Variants in GMPS observed in about 807,000 individuals in gnomAD.
GMPS encodes the protein guanosine monophosphate synthase.
In GMPS, 15 loss-of-function variants were observed where a neutral mutation model predicts 77.9. That is an observed-to-expected ratio of 0.19 (90% CI 0.13 to 0.30). The LOEUF is 0.30. GMPS is among the 10% of genes least tolerant of loss of function. GMPS has a pLI of 1.00. For missense variants in GMPS, 590 were observed against 838.8 expected, an observed-to-expected ratio of 0.70 and a Z score of 3.66; for synonymous variants, 224 against 275.9, an observed-to-expected ratio of 0.81 and a Z score of 1.86.
In GMPS at chr3:155,940,277, C is replaced by T. The variant is rs1386852804; in HGVS notation, c.*2585C>T. Reference sequence around the variant, plus strand: ...TTTAAGAACCAAATACCCAGTCCTGCCTTAAAGGCCACATCTATGATCATC... The same window carrying T: ...TTTAAGAACCAAATACCCAGTCCTGTCTTAAAGGCCACATCTATGATCATC... On this transcript the variant is annotated 3_prime_UTR_variant, in exon 16 of 16. Transcript: ENST00000496455. 2.0e-5 allele frequency: 4 copies of T among 202,154 alleles called. No individual in the cohort carries two copies. The highest frequency in any genetic ancestry group is 6.9e-5 in the African/African-American group (3 of 43,652). 12.5% of individuals were successfully genotyped at this position (202,154 alleles called of 1,614,324 possible).
At position 155,915,244 on chromosome 3, in the gene GMPS, T is replaced by G. The variant is rs192742423; in HGVS notation, c.1038+674T>G. ...TTCACATACCTTTGTTTTTGTTTTT[T>G]TTTTTTTTTGGAGGCGGAGTTTTGT... On this transcript the variant is annotated intron_variant, in intron 8 of 15. Transcript: ENST00000496455. Among the ~76,000 whole-genome samples the G allele has an allele frequency of 7.6e-3, 1,157 of 151,592 alleles. 15 individuals are homozygous for G. Among genetic ancestry groups the G allele is most frequent in the African/African-American group, 0.026 (1,064 of 41,388 alleles).
rs967082731 is a variant in GMPS at position 155,919,641 on chromosome 3, A to G, written c.1318+303A>G. Among the ~76,000 whole-genome samples, 4 of 152,186 alleles carry G rather than the reference A, an allele frequency of 2.6e-5. No individual in the cohort carries two copies. In the East Asian group the frequency reaches 7.7e-4, roughly 29 times the overall value. On this transcript the variant is annotated intron_variant, in intron 10 of 15. Coordinates refer to ENST00000496455, the MANE Select transcript of GMPS (RefSeq NM_003875.3). ...AAAGATATTTTAATAATATTGCCACACAGTCCTAGTAGTAGAGCTAGGATT... is the reference window on the plus strand; with the variant it reads ...AAAGATATTTTAATAATATTGCCACGCAGTCCTAGTAGTAGAGCTAGGATT...
At chr3:155,921,499 C>T (rs758599424) in intron 10 of GMPS, among the ~76,000 whole-genome samples, 3 of 152,060 alleles carry the variant, frequency 2.0e-5, no homozygotes, top group Non-Finnish European at 2.9e-5. Flanking sequence ...TTTTGTGATA[C>T]TTAATACATG....
chr3:155,903,204 A>G (rs1754772293), intron 3 of GMPS, among the ~76,000 whole-genome samples: 1 of 152,188 alleles, frequency 6.6e-6, no homozygotes, highest in Non-Finnish European at 1.5e-5. Context: ...TCTTCTGTAT[A>G]TTTATCTGAT....
At chr3:155,912,594 T>A (rs997145532) in intron 7 of GMPS, among the ~76,000 whole-genome samples, 9 of 152,258 alleles carry the variant, frequency 5.9e-5, no homozygotes, top group African/African-American at 2.2e-4. Context: ...TAGTGGTATA[T>A]ATGTGATTTG....
chr3:155,880,621 TCA>T (rs1754188438), intron 1 of GMPS, among the ~76,000 whole-genome samples: 2 of 152,326 alleles, frequency 1.3e-5, no homozygotes, highest in South Asian at 4.1e-4. Flanking sequence ...TTTCTGTCAC[TCA>T]CAACATTCCC....
Position 155,870,736 on chromosome 3 carries a change from G to T in GMPS, c.-135G>T. The T allele has an allele frequency of 1.6e-6, 1 of 606,702 alleles. No homozygotes were observed. Among genetic ancestry groups the T allele is most frequent in the Non-Finnish European group, 2.9e-6 (1 of 347,848 alleles). 37.6% of individuals were successfully genotyped at this position (606,702 alleles called of 1,614,324 possible). A position where few individuals can be genotyped will look rare whatever the true frequency, so the allele number is the denominator to read the frequency against. On this transcript the variant is annotated 5_prime_UTR_variant, in exon 1 of 16. Coordinates refer to ENST00000496455, the MANE Select transcript of GMPS (RefSeq NM_003875.3). ...TCCATTCGGCGCTTTTCTGGCGGCTGGCTCCTCTCCGCTGCCGGCTGCTCC... is the reference window on the plus strand; with the variant it reads ...TCCATTCGGCGCTTTTCTGGCGGCTTGCTCCTCTCCGCTGCCGGCTGCTCC...
At position 155,928,118 on chromosome 3, in the gene GMPS, C is replaced by T. The variant is rs117635057; in HGVS notation, c.1560+2752C>T. On this transcript the variant is annotated intron_variant, in intron 12 of 15. Coordinates refer to ENST00000496455, the MANE Select transcript of GMPS (RefSeq NM_003875.3). ...CTCAGCTCATGGCAACCTCCACCTA[C>T]CAGGTTCAAACGATTCTCCTGTTGC... is the stretch of plus-strand genomic sequence containing the variant. Among the ~76,000 whole-genome samples, 891 of 142,912 alleles carry T rather than the reference C, an allele frequency of 6.2e-3. 38 individuals are homozygous for T. The East Asian group carries it at 0.13, about 20-fold the overall frequency. 93.8% of individuals were successfully genotyped at this position (142,912 alleles called of 152,430 possible). A position where few individuals can be genotyped will look rare whatever the true frequency, so the allele number is the denominator to read the frequency against.
At chr3:155,936,302 G>A in intron 14 of GMPS, 36 bp from the exon 15 acceptor site, 2 of 1,411,650 alleles carry the variant, frequency 1.4e-6, no homozygotes, top group Non-Finnish European at 2.0e-6. Context: ...GCTTTTCTAT[G>A]GTGTGGTGAT....
chr3:155,893,113 G>A (rs62286834), intron 1 of GMPS, among the ~76,000 whole-genome samples: 8,321 of 152,232 alleles, frequency 0.055, 321 homozygotes, highest in East Asian at 0.18. Context: ...TAGGGTGACC[G>A]AATAACTTAT....
At position 155,942,248 on chromosome 3, in the gene GMPS, G is replaced by A. The variant is rs531445520; in HGVS notation, c.*4556G>A. ...ACTACAGGCGCCCGCCACTACGCCC[G>A]GCTAATTTTTTTGTACTTTTTAGTA... On this transcript the variant is annotated 3_prime_UTR_variant, in exon 16 of 16. Coordinates refer to ENST00000496455, the MANE Select transcript of GMPS (RefSeq NM_003875.3). The A allele has an allele frequency of 3.3e-5, 6 of 182,406 alleles. No homozygotes were observed. The highest frequency in any genetic ancestry group is 7.0e-5 in the African/African-American group (3 of 42,586). 11.3% of individuals were successfully genotyped at this position (182,406 alleles called of 1,614,324 possible).
chr3:155,877,583 A>T (rs1043343810), intron 1 of GMPS, among the ~76,000 whole-genome samples: 7 of 152,010 alleles, frequency 4.6e-5, no homozygotes, highest in Admixed American at 6.6e-5. Flanking sequence ...TCAACCACAA[A>T]TTCATTTTCT....
At chr3:155,873,748 C>A (rs1753961395) in intron 1 of GMPS, among the ~76,000 whole-genome samples, 1 of 150,614 alleles carries the variant, frequency 6.6e-6, no homozygotes, top group South Asian at 2.1e-4. Flanking sequence ...AGTTCTCCTG[C>A]CTCAGCCTCC....
chr3:155,935,073 A>C, intron 14 of GMPS, 27 bp downstream of exon 14: 2 of 1,541,322 alleles, frequency 1.3e-6, no homozygotes, highest in Non-Finnish European at 1.8e-6. Context: ...TTTGATTACT[A>C]CCCTCTGAAA....
rs1755947873 is a variant in GMPS at position 155,943,669 on chromosome 3, T to C, written c.*5977T>C. The C allele has an allele frequency of 5.7e-6, 1 of 175,176 alleles. No homozygotes were observed. Among genetic ancestry groups the C allele is most frequent in the African/African-American group, 2.4e-5 (1 of 42,194 alleles). 10.9% of individuals were successfully genotyped at this position (175,176 alleles called of 1,614,324 possible). A position where few individuals can be genotyped will look rare whatever the true frequency, so the allele number is the denominator to read the frequency against. Reference sequence around the variant, plus strand: ...CAATGTTGCCATAAAATAGCTTTGCTAAATGTGAAATGACTTTAATCCCTT... The same window carrying C: ...CAATGTTGCCATAAAATAGCTTTGCCAAATGTGAAATGACTTTAATCCCTT... On this transcript the variant is annotated 3_prime_UTR_variant, in exon 16 of 16. Coordinates refer to ENST00000496455, the MANE Select transcript of GMPS (RefSeq NM_003875.3).
In GMPS at chr3:155,942,572, A is replaced by C. The variant is rs1755918616; in HGVS notation, c.*4880A>C. ...TTCAGATCCAGGAACCAGATTCTGGAACTGATTGCACCTATATTATGTTGT... is the reference window on the plus strand; with the variant it reads ...TTCAGATCCAGGAACCAGATTCTGGCACTGATTGCACCTATATTATGTTGT... On this transcript the variant is annotated 3_prime_UTR_variant, in exon 16 of 16. Coordinates refer to ENST00000496455, the MANE Select transcript of GMPS (RefSeq NM_003875.3). 1 of 228,512 alleles carries C rather than the reference A, an allele frequency of 4.4e-6. No homozygotes were observed. Among genetic ancestry groups the C allele is most frequent in the South Asian group, 1.8e-4 (1 of 5,490 alleles). The allele number at this position is 228,512 out of a possible 1,614,324, so 14.2% of individuals were successfully genotyped here.
At chr3:155,872,734 C>T (rs1321707175) in intron 1 of GMPS, among the ~76,000 whole-genome samples, 1 of 151,990 alleles carries the variant, frequency 6.6e-6, no homozygotes, top group Non-Finnish European at 1.5e-5. Context: ...TTTCAAGGTT[C>T]TTTATGTTTT....
intron 1 of GMPS, among the ~76,000 whole-genome samples, chr3:155,892,922 G>A (rs535574329): frequency 2.6e-5 from 4 of 152,300 alleles, no homozygotes; most frequent in South Asian, 2.1e-4. Context: ...GTGAGCCACC[G>A]CGCCCGGCCT....
chr3:155,910,451 G>A (rs1755009941), intron 5 of GMPS, among the ~76,000 whole-genome samples: 3 of 151,368 alleles, frequency 2.0e-5, no homozygotes, highest in Admixed American at 2.0e-4. Flanking sequence ...CGCCTGTAAT[G>A]CCAGCTACTT....
Sources: allele counts gnomAD v4.1 joint callset (sites outside exome capture counted in the v4.1 genomes callset), GRCh38; gene constraint gnomAD v4.1.1; transcripts MANE v1.5; gene names NCBI Gene and HGNC (gene_info 2026-07-23, HGNC 2026-07-21).